The following TMEM150C variants were observed in gnomAD, a reference collection of about 807,000 sequenced individuals.
TMEM150C encodes tentonin 3.
TMEM150C carries 10 observed loss-of-function variants against 29.9 expected under a neutral mutation model. That is an observed-to-expected ratio of 0.33 (90% CI 0.21 to 0.57). The LOEUF is 0.57. Ranked by LOEUF, TMEM150C falls within the 20% of genes least tolerant of loss-of-function variation. The probability of loss-of-function intolerance (pLI) is 0.88; values close to 1 mark genes in which losing one functional copy is unlikely to be tolerated. For synonymous variants in TMEM150C, 101 were observed against 112.5 expected (o/e 0.90, Z 0.64); for missense variants, 251 against 303.6 (o/e 0.83, Z 1.29).
rs1313348479 is a variant in TMEM150C at position 82,508,070 on chromosome 4, AGGAGAT to A, written c.-10-3409_-10-3404del. On this transcript the variant is annotated intron_variant, in intron 1 of 7. Coordinates refer to ENST00000449862, the MANE Select transcript of TMEM150C (RefSeq NM_001080506.3). Reference sequence around the variant, plus strand: ...CTGCCTGAGAATTAAAGTTAAAAGTAGGAGATGGATCTTTTTCTTGCATCCTTCCAG... The same window carrying A: ...CTGCCTGAGAATTAAAGTTAAAAGTAGGATCTTTTTCTTGCATCCTTCCAG... Among the ~76,000 whole-genome samples, 2 of 152,136 alleles carry A rather than the reference AGGAGAT, an allele frequency of 1.3e-5. 1 individual carries two copies. The highest frequency in any genetic ancestry group is 4.8e-5 in the African/African-American group (2 of 41,420).
At chr4:82,535,411 T>C (rs1724972867) in intron 1 of TMEM150C, among the ~76,000 whole-genome samples, 2 of 152,192 alleles carry the variant, frequency 1.3e-5, no homozygotes, top group African/African-American at 4.8e-5. Context: ...CTGATCATTC[T>C]TAAAGGTCCT....
At chr4:82,553,071 C>T (rs969175925) in intron 1 of TMEM150C, among the ~76,000 whole-genome samples, 4 of 152,182 alleles carry the variant, frequency 2.6e-5, no homozygotes, top group African/African-American at 9.7e-5. Context: ...ACAGGCTAGC[C>T]AGTGCATTGT....
At chr4:82,507,223 T>C (rs1036221532) in intron 1 of TMEM150C, among the ~76,000 whole-genome samples, 4 of 152,194 alleles carry the variant, frequency 2.6e-5, no homozygotes, top group African/African-American at 9.7e-5. Context: ...ATGTTAACTA[T>C]TGTTACAACA....
At chr4:82,540,127 T>C in intron 1 of TMEM150C, among the ~76,000 whole-genome samples, 2 of 77,252 alleles carry the variant, frequency 2.6e-5, no homozygotes, top group African/African-American at 8.2e-5. Flanking sequence ...TTTTTTTTTT[T>C]TTTTTTTTTT....
intron 1 of TMEM150C, among the ~76,000 whole-genome samples, chr4:82,550,294 G>A (rs1725528704): frequency 6.6e-6 from 1 of 152,118 alleles, no homozygotes; most frequent in Admixed American, 6.5e-5. Context: ...TGTAAGACGT[G>A]CCTGCTTCCC....
chr4:82,557,741 T>C (rs955320592), intron 1 of TMEM150C, among the ~76,000 whole-genome samples: 2 of 150,334 alleles, frequency 1.3e-5, no homozygotes, highest in Non-Finnish European at 3.0e-5. Context: ...TTTCTTTTTT[T>C]TTTTTTTTTT....
At chr4:82,541,066 T>C (rs1410344242) in intron 1 of TMEM150C, among the ~76,000 whole-genome samples, 2 of 152,176 alleles carry the variant, frequency 1.3e-5, no homozygotes, top group Non-Finnish European at 2.9e-5. Context: ...CTCAAATATT[T>C]GTTATGGGGA....
intron 5 of TMEM150C, among the ~76,000 whole-genome samples, chr4:82,498,392 C>T (rs1331453920): frequency 2.6e-5 from 4 of 152,092 alleles, no homozygotes; most frequent in Non-Finnish European, 4.4e-5. Flanking sequence ...TGGGTTTAAG[C>T]GATTCTCCTG....
chr4:82,510,611 C>T (rs1724092721), intron 1 of TMEM150C, among the ~76,000 whole-genome samples: 1 of 152,210 alleles, frequency 6.6e-6, no homozygotes, highest in African/African-American at 2.4e-5. Flanking sequence ...ATGTTTAAAG[C>T]ACACAGAACA....
At chr4:82,504,473 T>C in intron 2 of TMEM150C, 105 bp downstream of exon 2, 1 of 829,832 alleles carries the variant, frequency 1.2e-6, no homozygotes, top group African/African-American at 1.7e-5. Flanking sequence ...AGTGCTGAGA[T>C]TACAGGCATG....
chr4:82,550,797 A>G (rs1326756922), intron 1 of TMEM150C, among the ~76,000 whole-genome samples: 4 of 151,946 alleles, frequency 2.6e-5, no homozygotes, highest in African/African-American at 9.7e-5. Flanking sequence ...CTCAAAAAAA[A>G]AAAAAGAAAG....
At chr4:82,534,743 T>C (rs536062600) in intron 1 of TMEM150C, among the ~76,000 whole-genome samples, 197 of 152,302 alleles carry the variant, frequency 1.3e-3, no homozygotes, top group African/African-American at 4.4e-3. Context: ...CCCAAGTGAT[T>C]GTAATACACA....
intron 1 of TMEM150C, among the ~76,000 whole-genome samples, chr4:82,528,784 C>T (rs1435389344): frequency 2.0e-5 from 3 of 151,888 alleles, no homozygotes; most frequent in Non-Finnish European, 4.4e-5. Context: ...TTAGTAAAGA[C>T]GGGGTTTCAC....
chr4:82,519,823 G>A (rs1165377122), intron 1 of TMEM150C, among the ~76,000 whole-genome samples: 2 of 152,164 alleles, frequency 1.3e-5, no homozygotes, highest in African/African-American at 4.8e-5. Context: ...TAAAAAAATA[G>A]AACAACTATA....
intron 1 of TMEM150C, among the ~76,000 whole-genome samples, chr4:82,518,693 T>C (rs1283496466): frequency 6.6e-6 from 1 of 152,150 alleles, no homozygotes; most frequent in African/African-American, 2.4e-5. Context: ...CCTACTGGGG[T>C]TTGGCTGCCC....
At chr4:82,489,688 C>T (rs1034949368) in intron 7 of TMEM150C, among the ~76,000 whole-genome samples, 4 of 152,050 alleles carry the variant, frequency 2.6e-5, no homozygotes, top group Non-Finnish European at 5.9e-5. Flanking sequence ...AATGAAATAA[C>T]AGGGCCATTA....
At chr4:82,508,241 C>T (rs1057429800) in intron 1 of TMEM150C, among the ~76,000 whole-genome samples, 3 of 152,138 alleles carry the variant, frequency 2.0e-5, no homozygotes, top group African/African-American at 7.2e-5. Flanking sequence ...TAGAAGAGTA[C>T]ATTTCCCTCT....
At chr4:82,496,240 C>T (rs754664199) in intron 5 of TMEM150C, 45 bp from the exon 6 acceptor site, 4 of 1,561,776 alleles carry the variant, frequency 2.6e-6, no homozygotes, top group Non-Finnish European at 1.7e-6. Flanking sequence ...TTAAATCACA[C>T]ACCTAGACTG....
At chr4:82,535,422 AC>A (rs1450767051) in intron 1 of TMEM150C, among the ~76,000 whole-genome samples, 3 of 152,188 alleles carry the variant, frequency 2.0e-5, no homozygotes, top group Non-Finnish European at 4.4e-5. Context: ...TAAAGGTCCT[AC>A]CTTTCAATAC....
Sources: allele counts gnomAD v4.1 joint callset (sites outside exome capture counted in the v4.1 genomes callset), GRCh38; gene constraint gnomAD v4.1.1; transcripts MANE v1.5; gene names NCBI Gene and HGNC (gene_info 2026-07-23, HGNC 2026-07-21).